Variants in GPR158 observed in about 807,000 individuals in gnomAD.
GPR158 encodes G protein-coupled receptor 158.
GPR158 carries 30 observed loss-of-function variants against 78.2 expected under a neutral mutation model. That is an observed-to-expected ratio of 0.38 (90% CI 0.29 to 0.52). The LOEUF is 0.52. GPR158 is among the 20% of genes least tolerant of loss of function. The pLI, the probability that GPR158 is intolerant of heterozygous loss-of-function variation, is 0.83. For missense variants in GPR158, 1,463 were observed against 1,523.5 expected (o/e 0.96, Z 0.66); for synonymous variants, 581 against 591.1 (o/e 0.98, Z 0.25).
intron 5 of GPR158, among the ~76,000 whole-genome samples, chr10:25,545,268 TGAG>T (rs1158232801): frequency 6.6e-6 from 1 of 152,228 alleles, no homozygotes; most frequent in East Asian, 1.9e-4. Flanking sequence ...TCTAGATCCT[TGAG>T]GAATCGCCAC....
intron 5 of GPR158, among the ~76,000 whole-genome samples, chr10:25,521,119 C>T (rs1836265341): frequency 6.6e-6 from 1 of 152,234 alleles, no homozygotes; most frequent in Admixed American, 6.5e-5. Context: ...GCGGGAGTGA[C>T]CCGATTTTCC....
intron 5 of GPR158, among the ~76,000 whole-genome samples, chr10:25,524,454 A>G (rs765383308): frequency 2.0e-4 from 31 of 152,252 alleles, no homozygotes; most frequent in Admixed American, 3.9e-4. Context: ...ATGAAGATCA[A>G]TGGAATAAAA....
At chr10:25,370,716 G>T (rs1284323547) in intron 2 of GPR158, among the ~76,000 whole-genome samples, 2 of 150,942 alleles carry the variant, frequency 1.3e-5, no homozygotes. Flanking sequence ...CAGTTCCTGG[G>T]TATCCTTGTT....
In GPR158 at chr10:25,521,331, C is replaced by T. The variant is rs552483895; in HGVS notation, c.1405-29645C>T. 1.4e-4 allele frequency among the ~76,000 whole-genome samples: 21 copies of T among 152,320 alleles called. No individual in the cohort carries two copies. In the East Asian group the frequency reaches 2.7e-3, roughly 20 times the overall value. ...TGCAGAAATCACCCGTCTTCTGCGTCGCTCACGCTGGGAGCTGTAGGCCGG... is the reference window on the plus strand; with the variant it reads ...TGCAGAAATCACCCGTCTTCTGCGTTGCTCACGCTGGGAGCTGTAGGCCGG... On this transcript the variant is annotated intron_variant, in intron 5 of 10. Transcript: ENST00000376351.
intron 4 of GPR158, among the ~76,000 whole-genome samples, chr10:25,415,601 A>G (rs1834647822): frequency 6.6e-6 from 1 of 152,080 alleles, no homozygotes; most frequent in African/African-American, 2.4e-5. Context: ...TCCCTCAAAA[A>G]GTTAAAAATT....
intron 5 of GPR158, among the ~76,000 whole-genome samples, chr10:25,469,431 A>G (rs1835464474): frequency 6.6e-6 from 1 of 152,140 alleles, no homozygotes; most frequent in African/African-American, 2.4e-5. Flanking sequence ...TACTCAGGCC[A>G]AAAGCCTAGG....
intron 4 of GPR158, among the ~76,000 whole-genome samples, chr10:25,420,388 A>G (rs1834733791): frequency 6.6e-6 from 1 of 152,126 alleles, no homozygotes; most frequent in Non-Finnish European, 1.5e-5. Flanking sequence ...CCTGTCCTCA[A>G]GCAATCCTCC....
intron 7 of GPR158, 78 bp downstream of exon 7, chr10:25,572,965 C>T (rs1471519193): frequency 2.3e-6 from 2 of 872,354 alleles, no homozygotes; most frequent in Non-Finnish European, 3.9e-6. Flanking sequence ...AAAGTCTTGC[C>T]AGACTCTTTA....
intron 4 of GPR158, among the ~76,000 whole-genome samples, chr10:25,462,878 A>G (rs916253332): frequency 2.0e-5 from 3 of 152,232 alleles, no homozygotes; most frequent in African/African-American, 7.2e-5. Context: ...TGCTATGGAC[A>G]TTGTTGAAAT....
intron 2 of GPR158, among the ~76,000 whole-genome samples, chr10:25,364,832 T>C (rs1855694698): frequency 6.6e-6 from 1 of 151,932 alleles, no homozygotes; most frequent in Non-Finnish European, 1.5e-5. Flanking sequence ...CAAATGTGTT[T>C]GTTTTGGTGG....
rs559610325 is a variant in GPR158, at chr10:25,321,100, A to C, written c.1009-74811A>C. Among the ~76,000 whole-genome samples, 505 of 152,330 alleles carry C rather than the reference A, an allele frequency of 3.3e-3. 3 individuals are homozygous for C. Among genetic ancestry groups the C allele is most frequent in the African/African-American group, 0.011 (466 of 41,572 alleles). The stretch of plus-strand genomic sequence containing the variant: ...CTGTTTGAATTTGGTCAGAGTACTT[A>C]ACCTCTCTAGGACTCAGTTTCCTCA... On this transcript the variant is annotated intron_variant, in intron 2 of 10. Coordinates refer to ENST00000376351, the MANE Select transcript of GPR158 (RefSeq NM_020752.3).
chr10:25,569,027 A>G (rs960544198), intron 6 of GPR158, among the ~76,000 whole-genome samples: 1 of 152,202 alleles, frequency 6.6e-6, no homozygotes, highest in Non-Finnish European at 1.5e-5. Flanking sequence ...TCCTAGAAAA[A>G]TACATCTTAT....
chr10:25,412,195 A>G, intron 3 of GPR158, 55 bp from the exon 4 acceptor site: 1 of 1,210,462 alleles, frequency 8.3e-7, no homozygotes, highest in Non-Finnish European at 1.2e-6. Flanking sequence ...TCTATACTCA[A>G]TCTTACCTAC....
intron 5 of GPR158, among the ~76,000 whole-genome samples, chr10:25,537,842 A>T (rs1836520074): frequency 1.3e-5 from 2 of 152,060 alleles, no homozygotes; most frequent in African/African-American, 4.8e-5. Context: ...CTCCTCTGCC[A>T]TGTAAGATGT....
At chr10:25,508,547 G>A (rs1031783559) in intron 5 of GPR158, among the ~76,000 whole-genome samples, 2 of 152,160 alleles carry the variant, frequency 1.3e-5, no homozygotes, top group African/African-American at 2.4e-5. Context: ...CACAGTCTCT[G>A]TATGCTGGCG....
At chr10:25,207,328 G>A (rs555078583) in intron 1 of GPR158, among the ~76,000 whole-genome samples, 89 of 152,150 alleles carry the variant, frequency 5.8e-4, no homozygotes, top group African/African-American at 2.0e-3. Flanking sequence ...TTCTTCTCTT[G>A]CTGTGACTCT....
intron 2 of GPR158, among the ~76,000 whole-genome samples, chr10:25,304,360 A>G (rs956842561): frequency 3.3e-5 from 5 of 152,078 alleles, no homozygotes; most frequent in African/African-American, 1.2e-4. Context: ...CTAGGATGGG[A>G]AAGTTGAAGA....
chr10:25,375,913 A>G (rs1353504567), intron 2 of GPR158, among the ~76,000 whole-genome samples: 1 of 151,650 alleles, frequency 6.6e-6, no homozygotes, highest in African/African-American at 2.4e-5. Flanking sequence ...TTCCTTATGT[A>G]TACAAAATAT....
chr10:25,574,295 GATC>G (rs758988271), intron 7 of GPR158, among the ~76,000 whole-genome samples: 34 of 152,056 alleles, frequency 2.2e-4, no homozygotes, highest in Non-Finnish European at 4.3e-4. Context: ...TTCCAAAGAG[GATC>G]ATATTTGTGA....
Sources: gnomAD v4.1 joint callset for allele counts (sites outside exome capture counted in the v4.1 genomes callset) on GRCh38, gnomAD v4.1.1 for gene constraint, MANE v1.5 for transcripts, NCBI Gene and HGNC (gene_info 2026-07-23, HGNC 2026-07-21) for gene names.